ANKS1B: variants seen among roughly 807,000 people sequenced by gnomAD.
ANKS1B encodes the protein ankyrin repeat and sterile alpha motif domain-containing protein 1B.
Under a neutral mutation model 148.3 loss-of-function variants are expected in ANKS1B, and 36 were observed. The ratio of observed to expected loss-of-function variants is 0.24; its 90% CI spans 0.19 to 0.32. The LOEUF is 0.32. Among genes scored for constraint, ANKS1B ranks in the 10% least tolerant of loss-of-function variants. ANKS1B has a pLI of 1.00. For missense variants in ANKS1B, 1,157 were observed against 1,542.6 expected, an observed-to-expected ratio of 0.75 and a Z score of 4.19; for synonymous variants, 542 against 560.8, an observed-to-expected ratio of 0.97 and a Z score of 0.47.
chr12:99,850,367 A>T (rs1369226096), intron 1 of ANKS1B, among the ~76,000 whole-genome samples: 3 of 147,200 alleles, frequency 2.0e-5, no homozygotes, highest in Non-Finnish European at 4.5e-5. Flanking sequence ...AGCCTAGCTG[A>T]CCTTATTTAT....
chr12:99,777,306 G>A (rs747068648), intron 6 of ANKS1B, among the ~76,000 whole-genome samples: 20 of 152,122 alleles, frequency 1.3e-4, no homozygotes, highest in South Asian at 2.1e-4. Context: ...CAGAGATGAC[G>A]TGTTCACATT....
chr12:99,648,763 T>C, intron 9 of ANKS1B: 1 of 1,612,528 alleles, frequency 6.2e-7, no homozygotes. Context: ...CTCATCTGTG[T>C]TGGAGGAAGT....
chr12:98,854,678 C>T (rs1228405705), intron 17 of ANKS1B, among the ~76,000 whole-genome samples: 6 of 152,144 alleles, frequency 3.9e-5, no homozygotes, highest in Non-Finnish European at 8.8e-5. Context: ...CTTTTAGGTG[C>T]CAGGAACGTA....
Position 99,013,253 on chromosome 12 carries a change from T to A in ANKS1B, c.2778+39904A>T, listed in dbSNP as rs117120564. ...AATTCTGAGTAGATATAAACAATAA[T>A]CCCTTAATTTATTAGTCTGTTTATC... On this transcript the variant is annotated intron_variant, in intron 17 of 26. Coordinates refer to ENST00000683438, the MANE Select transcript of ANKS1B (RefSeq NM_001352186.2). Among the ~76,000 whole-genome samples the A allele has an allele frequency of 5.5e-3, 845 of 152,312 alleles. 6 individuals carry two copies. The highest frequency in any genetic ancestry group is 0.034 in the Middle Eastern group (10 of 294).
intron 17 of ANKS1B, among the ~76,000 whole-genome samples, chr12:98,881,110 TG>T (rs1355878221): frequency 6.6e-6 from 1 of 152,182 alleles, no homozygotes; most frequent in African/African-American, 2.4e-5. Flanking sequence ...GTATGGAAAG[TG>T]GAGAAAACCC....
At chr12:99,729,269 T>A (rs1360471292) in intron 8 of ANKS1B, among the ~76,000 whole-genome samples, 2 of 152,204 alleles carry the variant, frequency 1.3e-5, no homozygotes, top group Admixed American at 6.5e-5. Flanking sequence ...CAGTCCATTG[T>A]CTTTCTGGGT....
intron 12 of ANKS1B, among the ~76,000 whole-genome samples, chr12:99,375,987 A>G (rs1421244913): frequency 1.3e-5 from 2 of 152,270 alleles, no homozygotes; most frequent in Non-Finnish European, 2.9e-5. Context: ...CATAAGAAGT[A>G]AAATGTAAAT....
rs555040310 is a variant in ANKS1B, at chr12:98,989,395, C to T, written c.2778+63762G>A. Among the ~76,000 whole-genome samples, 8 of 152,214 alleles carry T rather than the reference C, an allele frequency of 5.3e-5. No individual in the cohort carries two copies. In the South Asian group the frequency reaches 1.7e-3, roughly 32 times the overall value. ...TTTCCTCAGTGTGCCTTCTTGGTAC[C>T]TTTGTGAAAAATCAGCTGACTGTAA... On this transcript the variant is annotated intron_variant, in intron 17 of 26. Transcript: ENST00000683438.
At chr12:99,943,344 C>T (rs1395473424) in intron 1 of ANKS1B, among the ~76,000 whole-genome samples, 1 of 152,148 alleles carries the variant, frequency 6.6e-6, no homozygotes, top group African/African-American at 2.4e-5. Flanking sequence ...AACTGCAGCA[C>T]AAAATAAGAC....
intron 9 of ANKS1B, among the ~76,000 whole-genome samples, chr12:99,542,582 TG>T (rs1228432455): frequency 3.3e-5 from 5 of 152,056 alleles, no homozygotes; most frequent in Non-Finnish European, 2.9e-5. Context: ...TTTATTTATA[TG>T]GAAACAGAAG....
chr12:99,273,774 A>G (rs907622223), intron 12 of ANKS1B, among the ~76,000 whole-genome samples: 2 of 151,002 alleles, frequency 1.3e-5, no homozygotes, highest in African/African-American at 4.9e-5. Context: ...TTTAGTAGAG[A>G]CGGAGTTTCA....
At chr12:99,864,073 A>G (rs2090412373) in intron 1 of ANKS1B, among the ~76,000 whole-genome samples, 1 of 116,944 alleles carries the variant, frequency 8.6e-6, no homozygotes, top group Admixed American at 8.3e-5. Context: ...GAGCGAGACT[A>G]CATCTCAAAA....
At chr12:99,961,464 G>A (rs749172250) in intron 1 of ANKS1B, among the ~76,000 whole-genome samples, 2 of 152,126 alleles carry the variant, frequency 1.3e-5, no homozygotes, top group African/African-American at 2.4e-5. Flanking sequence ...AGGAGACTCA[G>A]CAGCCCCTAG....
At chr12:98,866,742 C>T (rs972718869) in intron 17 of ANKS1B, among the ~76,000 whole-genome samples, 3 of 152,202 alleles carry the variant, frequency 2.0e-5, no homozygotes, top group Admixed American at 6.5e-5. Flanking sequence ...ATTTCCCTTT[C>T]CCTATACAAC....
In ANKS1B at chr12:99,310,798, C is replaced by T. The variant is rs146593887; in HGVS notation, c.1757-63934G>A. 4.3e-3 allele frequency among the ~76,000 whole-genome samples: 650 copies of T among 152,218 alleles called. 11 individuals carry two copies. Among genetic ancestry groups the T allele is most frequent in the Admixed American group, 0.02 (310 of 15,270 alleles). ...ATCTATCTATCTGTCTGTCTACATC[C>T]TATTGTTTCTATTTCTTTGGAGAAT... On this transcript the variant is annotated intron_variant, in intron 12 of 26. Coordinates refer to ENST00000683438, the MANE Select transcript of ANKS1B (RefSeq NM_001352186.2).
At chr12:98,761,769 G>A (rs1183471432) in intron 25 of ANKS1B, among the ~76,000 whole-genome samples, 2 of 152,330 alleles carry the variant, frequency 1.3e-5, no homozygotes, top group Non-Finnish European at 2.9e-5. Context: ...GACAAGGTAT[G>A]TCAGGCATAA....
intron 17 of ANKS1B, among the ~76,000 whole-genome samples, chr12:99,020,249 T>C (rs774401975): frequency 1.3e-5 from 2 of 152,146 alleles, no homozygotes; most frequent in African/African-American, 2.4e-5. Flanking sequence ...ACCAACTTCC[T>C]ATTTTTCCCT....
At chr12:99,873,086 C>T (rs1949090533) in intron 1 of ANKS1B, among the ~76,000 whole-genome samples, 1 of 152,260 alleles carries the variant, frequency 6.6e-6, no homozygotes, top group Admixed American at 6.5e-5. Flanking sequence ...ATACCTACCT[C>T]ATAGGGCTAT....
At chr12:99,679,465 A>G (rs1316843549) in intron 8 of ANKS1B, among the ~76,000 whole-genome samples, 1 of 151,990 alleles carries the variant, frequency 6.6e-6, no homozygotes, top group Admixed American at 6.6e-5. Flanking sequence ...GTACCAACAC[A>G]CCCAGATAAT....
Sources: gnomAD v4.1 joint callset for allele counts (sites outside exome capture counted in the v4.1 genomes callset) on GRCh38, gnomAD v4.1.1 for gene constraint, MANE v1.5 for transcripts, NCBI Gene and HGNC (gene_info 2026-07-23, HGNC 2026-07-21) for gene names.